LY96: variants seen among roughly 807,000 people sequenced by gnomAD.
LY96 encodes lymphocyte antigen 96.
LY96 carries 18 observed loss-of-function variants against 18.9 expected under a neutral mutation model. The observed-to-expected ratio is 0.95, with a 90% confidence interval of 0.66 to 1.41. LY96 has a LOEUF of 1.41. Ranked by LOEUF, LY96 falls within the 40% of genes most tolerant of loss-of-function variation. The probability of loss-of-function intolerance (pLI) is 0.00; values close to 1 mark genes in which losing one functional copy is unlikely to be tolerated. For missense variants in LY96, 175 were observed against 182.4 expected (o/e 0.96, Z 0.23); for synonymous variants, 66 against 62.6 (o/e 1.06, Z -0.26).
At chr8:74,028,882 A>C in intron 4 of LY96, 74 bp from the exon 5 acceptor site, 1 of 868,354 alleles carries the variant, frequency 1.2e-6, no homozygotes, top group East Asian at 2.5e-5. Context: ...TAGTAAGAGA[A>C]AGTTCTTACA....
At chr8:74,009,554 T>C (rs1816486957) in intron 2 of LY96, among the ~76,000 whole-genome samples, 1 of 152,060 alleles carries the variant, frequency 6.6e-6, no homozygotes, top group Non-Finnish European at 1.5e-5. Flanking sequence ...AAAATAGGCA[T>C]ACATTTAATT....
intron 3 of LY96, among the ~76,000 whole-genome samples, chr8:74,020,058 A>G (rs1207068451): frequency 6.6e-6 from 1 of 152,204 alleles, no homozygotes; most frequent in African/African-American, 2.4e-5. Context: ...TAGTGTTGGA[A>G]GTTCTGGCCA....
chr8:74,037,276 C>T, the LY96 span, among the ~76,000 whole-genome samples: 1 of 151,952 alleles, frequency 6.6e-6, no homozygotes, highest in Non-Finnish European at 1.5e-5. Context: ...ATCTGATGAC[C>T]ATAAAAGGGA....
chr8:74,053,097 T>C, the LY96 span, among the ~76,000 whole-genome samples: 2 of 152,208 alleles, frequency 1.3e-5, no homozygotes, highest in South Asian at 2.1e-4. Flanking sequence ...ACTCCATCTG[T>C]AGTCCCTATT....
chr8:74,021,101 A>C (rs1816748202), intron 3 of LY96, among the ~76,000 whole-genome samples: 1 of 152,240 alleles, frequency 6.6e-6, no homozygotes, highest in African/African-American at 2.4e-5. Context: ...GCTTCTGCAC[A>C]ACAAAAGAAA....
downstream of LY96, among the ~76,000 whole-genome samples, chr8:74,029,740 A>C (rs900615885): frequency 6.6e-5 from 10 of 152,082 alleles, no homozygotes; most frequent in African/African-American, 2.4e-4. Context: ...GCTCACTGCA[A>C]CCTCTGCCTT....
rs748953296 is a variant in LY96 at position 74,027,482 on chromosome 8, T to G, written c.384+641T>G. Among the ~76,000 whole-genome samples, 9 of 151,922 alleles carry G rather than the reference T, an allele frequency of 5.9e-5. No individual in the cohort carries two copies. The East Asian group carries it at 1.4e-3, about 23-fold the overall frequency. Reference sequence around the variant, plus strand: ...ACTATGCCCAGCTAATTTTTTTATTTTTAGTAGAGATGGGGTTTCACCATG... The same window carrying G: ...ACTATGCCCAGCTAATTTTTTTATTGTTAGTAGAGATGGGGTTTCACCATG... On this transcript the variant is annotated intron_variant, in intron 4 of 4. Transcript: ENST00000284818.
the LY96 span, among the ~76,000 whole-genome samples, chr8:74,035,644 C>A: frequency 6.6e-6 from 1 of 152,112 alleles, no homozygotes; most frequent in Non-Finnish European, 1.5e-5. Flanking sequence ...AAATGCCAAC[C>A]AACATTTAAC....
chr8:74,031,538 A>G (rs1404617361), downstream of LY96, among the ~76,000 whole-genome samples: 1 of 151,944 alleles, frequency 6.6e-6, no homozygotes, highest in East Asian at 1.9e-4. Flanking sequence ...AGGCTGAGGC[A>G]AGAGAATTGC....
the LY96 span, among the ~76,000 whole-genome samples, chr8:74,075,055 A>T: frequency 6.6e-6 from 1 of 152,212 alleles, no homozygotes; most frequent in Non-Finnish European, 1.5e-5. Flanking sequence ...TTCTGTCTGG[A>T]AGATGTGTCC....
Position 74,000,326 on chromosome 8 carries a change from C to G in LY96, c.113-4470C>G, listed in dbSNP as rs1013116209. 2.1e-5 allele frequency among the ~76,000 whole-genome samples: 3 copies of G among 145,974 alleles called. No individual in the cohort carries two copies. In the Admixed American group the frequency reaches 2.1e-4, roughly 10 times the overall value. On this transcript the variant is annotated intron_variant, in intron 1 of 4. Coordinates refer to ENST00000284818, the MANE Select transcript of LY96 (RefSeq NM_015364.5). ...CCATTTTTCACACAGTTTTAGGGAACAGACACAAGTCCATCAAGTTCTTTG... is the reference window on the plus strand; with the variant it reads ...CCATTTTTCACACAGTTTTAGGGAAGAGACACAAGTCCATCAAGTTCTTTG...
At chr8:74,026,673 TAC>T (rs1816878220) in intron 3 of LY96, 114 bp from the exon 4 acceptor site, 7 of 679,794 alleles carry the variant, frequency 1.0e-5, no homozygotes, top group Non-Finnish European at 1.9e-5. Flanking sequence ...ATTATTTTTC[TAC>T]AGTTTTGCTT....
At chr8:74,045,455 C>T in the LY96 span, among the ~76,000 whole-genome samples, 2 of 152,132 alleles carry the variant, frequency 1.3e-5, no homozygotes, top group African/African-American at 4.8e-5. Flanking sequence ...TTAAAAAATC[C>T]AAAATATGTT....
chr8:74,011,598 C>T (rs148244625), intron 3 of LY96, among the ~76,000 whole-genome samples: 3,616 of 152,214 alleles, frequency 0.024, 137 homozygotes, highest in African/African-American at 0.08. Context: ...CAGTGGCTCA[C>T]GCCTGTAATC....
At chr8:74,000,876 C>T (rs1816248461) in intron 1 of LY96, among the ~76,000 whole-genome samples, 1 of 152,174 alleles carries the variant, frequency 6.6e-6, no homozygotes, top group Non-Finnish European at 1.5e-5. Flanking sequence ...GCCGAAAGGG[C>T]ACTTGTCAGG....
downstream of LY96, among the ~76,000 whole-genome samples, chr8:74,029,575 C>A (rs1026306731): frequency 6.6e-6 from 1 of 152,162 alleles, no homozygotes; most frequent in Non-Finnish European, 1.5e-5. Context: ...CGAAGAAGGA[C>A]GCGTTTGCTT....
intron 1 of LY96, among the ~76,000 whole-genome samples, chr8:74,002,074 C>CCTTTCTTTCTTTCTTTCTTTCTTTCTTT (rs1563710848): frequency 6.1e-5 from 1 of 16,402 alleles, no homozygotes; most frequent in East Asian, 1.9e-3. Flanking sequence ...TTCCTTCCTT[C>CCTTTCTTTCTTTCTTTCTTTCTTTCTTT]CTTTCTTTCT....
the LY96 span, among the ~76,000 whole-genome samples, chr8:74,078,321 C>G: frequency 1.3e-5 from 2 of 151,920 alleles, no homozygotes; most frequent in Admixed American, 1.3e-4. Flanking sequence ...AAATGAATAC[C>G]TGGGAAAGGA....
the LY96 span, among the ~76,000 whole-genome samples, chr8:74,037,384 T>G: frequency 1.8e-4 from 28 of 152,122 alleles, no homozygotes; most frequent in African/African-American, 6.8e-4. Context: ...AACCCAGCAC[T>G]TTGGGAGGCT....
Sources: gnomAD v4.1 joint callset for allele counts (sites outside exome capture counted in the v4.1 genomes callset) on GRCh38, gnomAD v4.1.1 for gene constraint, MANE v1.5 for transcripts, NCBI Gene and HGNC (gene_info 2026-07-23, HGNC 2026-07-21) for gene names.